CDH13: variants seen among roughly 807,000 people sequenced by gnomAD.
CDH13 encodes cadherin-13.
In CDH13, 24 loss-of-function variants were observed where a neutral mutation model predicts 63.8. The ratio of observed to expected loss-of-function variants is 0.38; its 90% confidence interval spans 0.27 to 0.53. The LOEUF is 0.53. Ranked by LOEUF, CDH13 falls within the 20% of genes least tolerant of loss-of-function variation. The pLI, the probability that CDH13 is intolerant of heterozygous loss-of-function variation, is 0.85. For synonymous variants in CDH13, 503 were observed against 355.3 expected (o/e 1.42, Z -4.67); for missense variants, 1,049 against 903.1 (o/e 1.16, Z -2.07).
intron 1 of CDH13, among the ~76,000 whole-genome samples, chr16:82,666,085 T>C (rs1341415660): frequency 6.6e-6 from 1 of 152,206 alleles, no homozygotes; most frequent in Non-Finnish European, 1.5e-5. Flanking sequence ...GGGTGTGGAC[T>C]GTGATTCTTA....
chr16:82,949,509 C>T (rs1460061075), intron 2 of CDH13, among the ~76,000 whole-genome samples: 1 of 152,158 alleles, frequency 6.6e-6, no homozygotes, highest in Non-Finnish European at 1.5e-5. Context: ...CACAATTCAA[C>T]CCCTAAATGG....
At chr16:83,320,581 A>G (rs530721947) in intron 5 of CDH13, among the ~76,000 whole-genome samples, 111 of 152,342 alleles carry the variant, frequency 7.3e-4, no homozygotes, top group Admixed American at 2.0e-3. Context: ...GCTCACCTCA[A>G]TTAGAGCAAA....
chr16:82,908,397 G>C lies in CDH13; in HGVS notation c.157+49924G>C, dbSNP rs181701167. On this transcript the variant is annotated intron_variant, in intron 2 of 13. Coordinates refer to ENST00000567109, the MANE Select transcript of CDH13 (RefSeq NM_001257.5). ...GAACACATGGTGGGTGCAGCTCATGGAACACTGGGAGGTCAAAAGCGGTCT... is the reference window on the plus strand; with the variant it reads ...GAACACATGGTGGGTGCAGCTCATGCAACACTGGGAGGTCAAAAGCGGTCT... Among the ~76,000 whole-genome samples the C allele has an allele frequency of 4.8e-3, 736 of 152,238 alleles. 5 individuals are homozygous for C. Among genetic ancestry groups the C allele is most frequent in the South Asian group, 0.02 (97 of 4,814 alleles).
At chr16:82,881,796 G>A (rs2040711404) in intron 2 of CDH13, among the ~76,000 whole-genome samples, 1 of 152,044 alleles carries the variant, frequency 6.6e-6, no homozygotes, top group Admixed American at 6.5e-5. Flanking sequence ...GACTATCTGA[G>A]TGTCCCCCTG....
At chr16:83,257,853 C>T (rs1906483136) in intron 5 of CDH13, among the ~76,000 whole-genome samples, 1 of 152,164 alleles carries the variant, frequency 6.6e-6, no homozygotes, top group Non-Finnish European at 1.5e-5. Context: ...TACTATCTTC[C>T]ACAATGGTTA....
chr16:83,674,539 C>G (rs1323561185), intron 9 of CDH13, among the ~76,000 whole-genome samples: 1 of 152,220 alleles, frequency 6.6e-6, no homozygotes, highest in Non-Finnish European at 1.5e-5. Context: ...CTGAGAAAGT[C>G]CAAATCTGGC....
chr16:83,043,256 G>C (rs184583579), intron 3 of CDH13, among the ~76,000 whole-genome samples: 1 of 152,090 alleles, frequency 6.6e-6, no homozygotes, highest in South Asian at 2.1e-4. Flanking sequence ...ATATTCTGGA[G>C]ATTAATTTTA....
chr16:82,684,686 C>T (rs1206416405), intron 1 of CDH13, among the ~76,000 whole-genome samples: 1 of 151,926 alleles, frequency 6.6e-6, no homozygotes, highest in Admixed American at 6.6e-5. Context: ...TTTACAATTG[C>T]TTTTGATCCT....
chr16:82,800,082 G>A (rs959341347), intron 1 of CDH13, among the ~76,000 whole-genome samples: 5 of 152,158 alleles, frequency 3.3e-5, no homozygotes, highest in South Asian at 2.1e-4. Flanking sequence ...TAAAAGACAG[G>A]AAGACCCTTT....
intron 8 of CDH13, among the ~76,000 whole-genome samples, chr16:83,617,441 C>T (rs1319537469): frequency 6.6e-6 from 1 of 151,820 alleles, no homozygotes; most frequent in Non-Finnish European, 1.5e-5. Flanking sequence ...GTAATATGCA[C>T]ATATCCTAAT....
intron 4 of CDH13, among the ~76,000 whole-genome samples, chr16:83,191,949 G>A (rs1305370224): frequency 2.0e-5 from 3 of 152,014 alleles, no homozygotes; most frequent in Non-Finnish European, 2.9e-5. Flanking sequence ...TCAAGTTGAG[G>A]CTCAGTATTA....
At chr16:83,779,442 T>G (rs1228511992) in intron 11 of CDH13, among the ~76,000 whole-genome samples, 2 of 70,934 alleles carry the variant, frequency 2.8e-5, no homozygotes, top group Non-Finnish European at 7.3e-5. Context: ...AAAAAAAGTC[T>G]TATATATGAT....
intron 6 of CDH13, among the ~76,000 whole-genome samples, chr16:83,448,651 T>G (rs930251315): frequency 1.3e-5 from 2 of 152,152 alleles, no homozygotes; most frequent in Non-Finnish European, 2.9e-5. Flanking sequence ...TCATGATGAT[T>G]TATAGAATTG....
At chr16:82,982,750 C>G (rs577072720) in intron 2 of CDH13, among the ~76,000 whole-genome samples, 7 of 152,328 alleles carry the variant, frequency 4.6e-5, no homozygotes, top group Admixed American at 4.6e-4. Flanking sequence ...GCATCACAAT[C>G]CTATAACTAA....
rs869202510 is a variant in CDH13, at chr16:83,602,107, CAAAAAAAAAAAAAAAAAAA to C, written c.961-329_961-311del. 7.5e-4 allele frequency among the ~76,000 whole-genome samples: 6 copies of C among 7,958 alleles called. No individual in the cohort carries two copies. In the Admixed American group the frequency reaches 0.01, roughly 14 times the overall value. The allele number at this position is 7,958 out of a possible 152,430, so 5.2% of individuals were successfully genotyped here. On this transcript the variant is annotated intron_variant, in intron 7 of 13. Transcript: ENST00000567109. ...CAAAAAAAAAAAAAAAGAACAACAA[CAAAAAAAAAAAAAAAAAAA>C]AAAAAAAAAAAAAAAAACCCAAAGG...
At chr16:82,836,861 T>C (rs1278732789) in intron 1 of CDH13, among the ~76,000 whole-genome samples, 2 of 152,220 alleles carry the variant, frequency 1.3e-5, no homozygotes, top group Non-Finnish European at 2.9e-5. Flanking sequence ...GTGACTTTCA[T>C]TTTTAGGACA....
intron 7 of CDH13, among the ~76,000 whole-genome samples, chr16:83,512,244 C>T (rs1012514334): frequency 6.6e-6 from 1 of 151,024 alleles, no homozygotes; most frequent in African/African-American, 2.4e-5. Flanking sequence ...TGGCGTGAAC[C>T]CGGGAGGCGA....
intron 1 of CDH13, among the ~76,000 whole-genome samples, chr16:82,710,529 T>A (rs1299545676): frequency 2.8e-5 from 1 of 35,190 alleles, no homozygotes; most frequent in African/African-American, 1.0e-4. Context: ...TGAGACTCTG[T>A]CTCAAAAAAA....
At chr16:83,472,433 G>A (rs918116522) in intron 6 of CDH13, among the ~76,000 whole-genome samples, 1 of 152,222 alleles carries the variant, frequency 6.6e-6, no homozygotes, top group Non-Finnish European at 1.5e-5. Flanking sequence ...TGAGACTGGG[G>A]AGAGCAGGAG....
Sources: allele counts gnomAD v4.1 joint callset (sites outside exome capture counted in the v4.1 genomes callset), GRCh38; gene constraint gnomAD v4.1.1; transcripts MANE v1.5; gene names NCBI Gene and HGNC (gene_info 2026-07-23, HGNC 2026-07-21).